FAM151B: variants seen among roughly 807,000 people sequenced by gnomAD.
The protein encoded by FAM151B is family with sequence similarity 151 member B, also known as protein FAM151B.
A neutral mutation model predicts 31.2 loss-of-function variants in FAM151B; 24 were observed. The observed-to-expected ratio is 0.77, with a 90% CI of 0.56 to 1.08. The LOEUF is 1.08. Among genes scored for constraint, FAM151B ranks in the 50% least tolerant of loss-of-function variants. The pLI is 0.00. For missense variants in FAM151B, 293 were observed against 328.6 expected (o/e 0.89, Z 0.84); for synonymous variants, 105 against 111.4 (o/e 0.94, Z 0.36).
At chr5:80,504,584 G>A (rs532824576) in intron 2 of FAM151B, among the ~76,000 whole-genome samples, 4 of 128,828 alleles carry the variant, frequency 3.1e-5, no homozygotes, top group African/African-American at 1.2e-4. Context: ...GCAGTGGCAC[G>A]ATCTATGCTC....
intron 5 of FAM151B, among the ~76,000 whole-genome samples, chr5:80,540,202 C>T (rs1284664952): frequency 6.6e-6 from 1 of 152,208 alleles, no homozygotes; most frequent in African/African-American, 2.4e-5. Flanking sequence ...CGTATCTCCT[C>T]AGCCTCCTTC....
intron 5 of FAM151B, among the ~76,000 whole-genome samples, chr5:80,532,049 A>G (rs910638254): frequency 2.0e-5 from 3 of 152,040 alleles, no homozygotes; most frequent in African/African-American, 7.2e-5. Context: ...ATGGAATACT[A>G]TGCACCCATA....
chr5:80,525,316 A>T (rs567704968), intron 5 of FAM151B, among the ~76,000 whole-genome samples: 2 of 152,278 alleles, frequency 1.3e-5, no homozygotes, highest in Admixed American at 6.5e-5. Flanking sequence ...TTGAAATAAG[A>T]CACTATCACA....
intron 3 of FAM151B, among the ~76,000 whole-genome samples, chr5:80,515,132 C>T (rs1397688543): frequency 1.3e-5 from 2 of 151,730 alleles, no homozygotes; most frequent in East Asian, 1.9e-4. Context: ...TTCAGCTACT[C>T]GGGAGGCTGA....
chr5:80,535,350 T>C (rs1260968474), intron 5 of FAM151B, among the ~76,000 whole-genome samples: 1 of 152,208 alleles, frequency 6.6e-6, no homozygotes, highest in Non-Finnish European at 1.5e-5. Context: ...CTTCAAATTA[T>C]ACTACAGAGC....
chr5:80,488,820 G>A (rs1743209278), intron 1 of FAM151B, among the ~76,000 whole-genome samples: 1 of 152,018 alleles, frequency 6.6e-6, no homozygotes, highest in South Asian at 2.1e-4. Context: ...CTTCTGAATC[G>A]ATGCACAGTT....
intron 1 of FAM151B, among the ~76,000 whole-genome samples, chr5:80,493,274 G>T (rs1219320912): frequency 6.6e-6 from 1 of 152,158 alleles, no homozygotes. Context: ...AATTTCTTAT[G>T]CCTGGCTTTA....
In FAM151B at chr5:80,541,716, G is replaced by C; in HGVS notation, c.715G>C (p.Val239Leu). ...GACTGGAAAAAATGATAACTATTCC[G>C]TTGAAGATTTACTTTACATTAGAGA... ...IWTGKNDNYSVEDLLYIRDHF... is the reference protein window; with the variant it reads ...IWTGKNDNYSLEDLLYIRDHF... The change falls in exon 6 of 6, where the codon GTT becomes CTT. Residue 239 changes from valine to leucine, a missense_variant. Coordinates refer to ENST00000282226, the MANE Select transcript of FAM151B (RefSeq NM_205548.3). 6.2e-7 allele frequency: 1 copy of C among 1,613,592 alleles called. No homozygotes were observed.
intron 2 of FAM151B, among the ~76,000 whole-genome samples, chr5:80,507,586 C>A (rs1744017116): frequency 6.6e-6 from 1 of 152,128 alleles, no homozygotes; most frequent in Non-Finnish European, 1.5e-5. Context: ...GAGGCTCAGG[C>A]AGGAGAATTG....
chr5:80,527,423 A>T (rs1477237431), intron 5 of FAM151B, among the ~76,000 whole-genome samples: 4 of 104,322 alleles, frequency 3.8e-5, no homozygotes, highest in Non-Finnish European at 8.5e-5. Flanking sequence ...ACTCTGTCTC[A>T]ATTAAAAAAA....
Position 80,505,595 on chromosome 5 carries a change from T to C in FAM151B, c.151+3678T>C, listed in dbSNP as rs943906131. Among the ~76,000 whole-genome samples the C allele has an allele frequency of 1.2e-3, 181 of 151,154 alleles. 2 individuals are homozygous for C. The highest frequency in any genetic ancestry group is 4.1e-3 in the African/African-American group (169 of 41,146). ...ATTTTTAGTAGAGACGGGGTTTCACTGTGTTAGCCAGGATGGTCTCGATCT... is the reference window on the plus strand; with the variant it reads ...ATTTTTAGTAGAGACGGGGTTTCACCGTGTTAGCCAGGATGGTCTCGATCT... On this transcript the variant is annotated intron_variant, in intron 2 of 5. Transcript: ENST00000282226.
intron 5 of FAM151B, among the ~76,000 whole-genome samples, chr5:80,535,542 A>C (rs1406363893): frequency 6.6e-6 from 1 of 152,246 alleles, no homozygotes; most frequent in Non-Finnish European, 1.5e-5. Flanking sequence ...AGCCATATGC[A>C]GAAGAATGAA....
chr5:80,514,571 A>G (rs1561369335), intron 3 of FAM151B, among the ~76,000 whole-genome samples: 2 of 151,510 alleles, frequency 1.3e-5, no homozygotes, highest in African/African-American at 2.4e-5. Context: ...CATTTCCTTC[A>G]CTGTGGCCAT....
chr5:80,537,376 C>T (rs1042671314), intron 5 of FAM151B, among the ~76,000 whole-genome samples: 1 of 152,188 alleles, frequency 6.6e-6, no homozygotes. Context: ...TTTGTTGGCA[C>T]TGAACTGTGC....
chr5:80,541,486 T>A (rs1036592984), intron 5 of FAM151B, among the ~76,000 whole-genome samples, 187 bp from the exon 6 acceptor site: 5 of 152,214 alleles, frequency 3.3e-5, no homozygotes, highest in Admixed American at 1.3e-4. Context: ...AGTATGAATG[T>A]TTTTTTGTCT....
intron 5 of FAM151B, among the ~76,000 whole-genome samples, chr5:80,538,033 CT>C (rs1745601272): frequency 6.6e-6 from 1 of 150,920 alleles, no homozygotes; most frequent in South Asian, 2.1e-4. Flanking sequence ...AATATAGCAT[CT>C]AATTTCCCTT....
At chr5:80,505,787 C>T (rs189300639) in intron 2 of FAM151B, among the ~76,000 whole-genome samples, 4 of 126,564 alleles carry the variant, frequency 3.2e-5, no homozygotes, top group African/African-American at 1.3e-4. Context: ...GACAGAGTCT[C>T]GCACTGTCAT....
At chr5:80,514,118 T>G (rs1051242019) in intron 3 of FAM151B, among the ~76,000 whole-genome samples, 2 of 152,192 alleles carry the variant, frequency 1.3e-5, no homozygotes, top group Non-Finnish European at 1.5e-5. Flanking sequence ...TTGATTTATG[T>G]TATTATATTT....
intron 5 of FAM151B, among the ~76,000 whole-genome samples, chr5:80,539,701 A>G (rs1317848861): frequency 6.6e-6 from 1 of 151,354 alleles, no homozygotes; most frequent in Non-Finnish European, 1.5e-5. Flanking sequence ...CGTGTTACCC[A>G]GGGTGGTCTT....
Sources: allele counts gnomAD v4.1 joint callset (sites outside exome capture counted in the v4.1 genomes callset), GRCh38; gene constraint gnomAD v4.1.1; transcripts MANE v1.5; gene names NCBI Gene and HGNC (gene_info 2026-07-23, HGNC 2026-07-21).